LRRN4CL: variants seen among roughly 807,000 people sequenced by gnomAD.
LRRN4CL encodes the protein LRRN4 C-terminal like.
For missense variants in LRRN4CL, 348 were observed against 336.4 expected, an observed-to-expected ratio of 1.03 and a Z score of -0.27; for synonymous variants, 156 against 154.1, an observed-to-expected ratio of 1.01 and a Z score of -0.09.
In LRRN4CL at chr11:62,688,557, A is replaced by G. The variant is rs527664944; in HGVS notation, c.-5-44T>C. 2.8e-6 allele frequency: 4 copies of G among 1,437,932 alleles called. No individual in the cohort carries two copies. The East Asian group carries it at 9.3e-5, about 34-fold the overall frequency. 89.1% of individuals were successfully genotyped at this position (1,437,932 alleles called of 1,614,324 possible). On this transcript the variant is annotated intron_variant, in intron 1 of 1. Transcript: ENST00000317449. ...ATAGATAAAGCCTGTTCAGCCCAAA[A>G]GCCTGCCATGCCCTCTGCCTGGACA... is the stretch of plus-strand genomic sequence containing the variant.
rs1945212773 is a variant in LRRN4CL at position 62,687,727 on chromosome 11, T to A, written c.*65A>T. The A allele has an allele frequency of 1.5e-6, 2 of 1,298,336 alleles. No individual in the cohort carries two copies. Among genetic ancestry groups the A allele is most frequent in the Admixed American group, 7.6e-5 (2 of 26,274 alleles). 80.4% of individuals were successfully genotyped at this position (1,298,336 alleles called of 1,614,324 possible). A position where few individuals can be genotyped will look rare whatever the true frequency, so the allele number is the denominator to read the frequency against. ...CCTGGAGGCAGCGGGTTTTCCTCTTTCCCGGGGGCCAGGCTGAGCGCCCCA... is the reference window on the plus strand; with the variant it reads ...CCTGGAGGCAGCGGGTTTTCCTCTTACCCGGGGGCCAGGCTGAGCGCCCCA... On this transcript the variant is annotated 3_prime_UTR_variant, in exon 2 of 2. Coordinates refer to ENST00000317449, the MANE Select transcript of LRRN4CL (RefSeq NM_203422.4).
chr11:62,688,364 C>A lies in LRRN4CL; in HGVS notation c.145G>T (p.Asp49Tyr), dbSNP rs1565140871. 1.9e-6 allele frequency: 3 copies of A among 1,607,400 alleles called. No individual in the cohort carries two copies. Among genetic ancestry groups the A allele is most frequent in the Admixed American group, 3.3e-5 (2 of 60,000 alleles). ...TGCAGGTGTCGGCAGTGGTCGTAGT[C>A]GCAGGGGACAGCCGGCAAAGGCGGC... is the stretch of plus-strand genomic sequence containing the variant. ...AWPPLPAVPC[D>Y]YDHCRHLQVP... The change falls in exon 2 of 2, where the codon GAC (aspartate) becomes TAC (tyrosine). Residue 49 changes from aspartate (D) to tyrosine (Y), a missense_variant. Asp to Tyr is a radical substitution (Grantham distance 160). Transcript: ENST00000317449.
At position 62,687,593 on chromosome 11, in the gene LRRN4CL, G is replaced by GA. The variant is rs1342617289; in HGVS notation, c.*198dup. The GA allele has an allele frequency of 1.8e-5, 8 of 433,502 alleles. No homozygotes were observed. The highest frequency in any genetic ancestry group is 1.1e-4 in the South Asian group (1 of 9,066). 26.9% of individuals were successfully genotyped at this position (433,502 alleles called of 1,614,324 possible). A position where few individuals can be genotyped will look rare whatever the true frequency, so the allele number is the denominator to read the frequency against. ...CTATTCCTTCCCAGACCTCAGCCAG[G>GA]AAACAAAGCGCCAAGTACCGGACCT... On this transcript the variant is annotated 3_prime_UTR_variant, in exon 2 of 2. Transcript: ENST00000317449.
In LRRN4CL at chr11:62,686,534, CTT is replaced by C. The variant is rs1291626677; in HGVS notation, c.*1256_*1257del. ...TTGTTTTACCTAGCAAGAATATAAA[CTT>C]ATTCTCAAAATCCTACTGAAGCCAC... is the stretch of plus-strand genomic sequence containing the variant. On this transcript the variant is annotated 3_prime_UTR_variant, in exon 2 of 2. Transcript: ENST00000317449. 1 of 145,448 alleles carries C rather than the reference CTT, an allele frequency of 6.9e-6. No homozygotes were observed. The highest frequency in any genetic ancestry group is 6.9e-5 in the Admixed American group (1 of 14,564). The allele number at this position is 145,448 out of a possible 1,614,324, so 9.0% of individuals were successfully genotyped here. A position where few individuals can be genotyped will look rare whatever the true frequency, so the allele number is the denominator to read the frequency against.
chr11:62,687,682 C>T lies in LRRN4CL; in HGVS notation c.*110G>A. 1 of 967,102 alleles carries T rather than the reference C, an allele frequency of 1.0e-6. No homozygotes were observed. The allele number at this position is 967,102 out of a possible 1,614,324, so 59.9% of individuals were successfully genotyped here. A position where few individuals can be genotyped will look rare whatever the true frequency, so the allele number is the denominator to read the frequency against. ...GGCCCTGGAGCCTGGGGCTGGCTCC[C>T]AGCTCGCCGTCCAGCCCTCCCTGGA... On this transcript the variant is annotated 3_prime_UTR_variant, in exon 2 of 2. Transcript: ENST00000317449.
Position 62,688,251 on chromosome 11 carries a change from C to A in LRRN4CL, c.258G>T (p.Pro86=), listed in dbSNP as rs1945223909. ...CCGCAATGCGCACTTCTCCCATGCG[C>A]GGCGGGTCGGGCGGCTGGGCGGGGC... ...LSSPAQPPDP[P]RMGEVRIAAE... The change falls in exon 2 of 2, where the codon CCG becomes CCT. Residue 86 remains proline, a synonymous_variant. Coordinates refer to ENST00000317449, the MANE Select transcript of LRRN4CL (RefSeq NM_203422.4). The A allele has an allele frequency of 6.2e-7, 1 of 1,610,304 alleles. No homozygotes were observed. Among genetic ancestry groups the A allele is most frequent in the African/African-American group, 1.3e-5 (1 of 74,906 alleles).
In LRRN4CL at chr11:62,688,232, T is replaced by C; in HGVS notation, c.277A>G (p.Ile93Val). The C allele has an allele frequency of 6.2e-7, 1 of 1,611,716 alleles. No individual in the cohort carries two copies. Among genetic ancestry groups the C allele is most frequent in the Non-Finnish European group, 8.5e-7 (1 of 1,179,458 alleles). The stretch of plus-strand genomic sequence containing the variant: ...ACTGCGCGGCCCTCTTCGGCCGCAA[T>C]GCGCACTTCTCCCATGCGCGGCGGG... ...PDPPRMGEVRIAAEEGRAVVH... is the reference protein window; with the variant it reads ...PDPPRMGEVRVAAEEGRAVVH... The change falls in exon 2 of 2, where the codon ATT (isoleucine) becomes GTT (valine). Residue 93 changes from isoleucine (I) to valine (V), a missense_variant. Transcript: ENST00000317449.
Position 62,688,214 on chromosome 11 carries a change from G to A in LRRN4CL, c.295C>T (p.Arg99Cys), listed in dbSNP as rs544136182. Reference protein sequence around the residue: ...GEVRIAAEEGRAVVHWCAPFS... With the variant: ...GEVRIAAEEGCAVVHWCAPFS... ...GGGGCACACCAGTGGACCACTGCGC[G>A]GCCCTCTTCGGCCGCAATGCGCACT... The change falls in exon 2 of 2, where the codon CGC (arginine) becomes TGC (cysteine). Residue 99 changes from arginine to cysteine, a missense_variant. Arg to Cys is a radical substitution (Grantham distance 180, BLOSUM62 -3). Transcript: ENST00000317449. The A allele has an allele frequency of 3.1e-6, 5 of 1,611,804 alleles. No individual in the cohort carries two copies. The highest frequency in any genetic ancestry group is 1.7e-4 in the Middle Eastern group (1 of 6,054).
At position 62,689,488 on chromosome 11, in the gene LRRN4CL, G is replaced by C. The variant is rs1349081374; in HGVS notation, c.-67C>G. 6.6e-6 allele frequency: 1 copy of C among 152,430 alleles called. No homozygotes were observed. 9.4% of individuals were successfully genotyped at this position (152,430 alleles called of 1,614,324 possible). A position where few individuals can be genotyped will look rare whatever the true frequency, so the allele number is the denominator to read the frequency against. ...CTGACGTCTGTGGGTGTTAGGCTGA[G>C]GGATCCCCAAGATCTCAGGCTGTGC... On this transcript the variant is annotated 5_prime_UTR_variant, in exon 1 of 2. Coordinates refer to ENST00000317449, the MANE Select transcript of LRRN4CL (RefSeq NM_203422.4).
At position 62,688,272 on chromosome 11, in the gene LRRN4CL, G is replaced by A. The variant is rs755493038; in HGVS notation, c.237C>T (p.Pro79=). Residue 79 remains proline (P), a synonymous_variant, in exon 2 of 2, where the codon CCC becomes CCT. Coordinates refer to ENST00000317449, the MANE Select transcript of LRRN4CL (RefSeq NM_203422.4). ...TGCGCGGCGGGTCGGGCGGCTGGGC[G>A]GGGCTGGAGAGTCCTGGGCACAGGC... ...AACLCPGLSS[P]AQPPDPPRMG... is the part of the protein sequence containing the mutation. 55 of 1,609,094 alleles carry A rather than the reference G, an allele frequency of 3.4e-5. No homozygotes were observed. Among genetic ancestry groups the A allele is most frequent in the Non-Finnish European group, 4.4e-5 (52 of 1,178,638 alleles).
chr11:62,688,647 A>G, intron 1 of LRRN4CL, 134 bp from the exon 2 acceptor site: 2 of 709,314 alleles, frequency 2.8e-6, no homozygotes, highest in East Asian at 5.5e-5. Flanking sequence ...AATGAGGCAG[A>G]CACACTCATT....
chr11:62,687,916 G>T lies in LRRN4CL; in HGVS notation c.593C>A (p.Ala198Glu). The T allele has an allele frequency of 2.0e-6, 3 of 1,519,168 alleles. No homozygotes were observed. Among genetic ancestry groups the T allele is most frequent in the Non-Finnish European group, 2.6e-6 (3 of 1,135,788 alleles). 94.1% of individuals were successfully genotyped at this position (1,519,168 alleles called of 1,614,324 possible). Residue 198 changes from alanine (A) to glutamate (E), a missense_variant, in exon 2 of 2, where the codon GCG (alanine) becomes GAG (glutamate). By Grantham distance (107) the Ala-to-Glu change is moderately radical. Transcript: ENST00000317449. ...CAGGGCCGTGCCCACCCCGACGGCC[G>T]CGTGGACCAGAGTGCGGGGGTTGGG... ...VPPNPRTLVH[A>E]AVGVGTALAL...
chr11:62,688,558 G>T, intron 1 of LRRN4CL, 45 bp from the exon 2 acceptor site: 1 of 1,418,094 alleles, frequency 7.1e-7, no homozygotes, highest in Non-Finnish European at 9.5e-7. Flanking sequence ...CAGCCCAAAA[G>T]CCTGCCATGC....
Position 62,687,066 on chromosome 11 carries a change from G to A in LRRN4CL, c.*726C>T, listed in dbSNP as rs915233546. The A allele has an allele frequency of 7.2e-5, 11 of 152,088 alleles. No homozygotes were observed. The highest frequency in any genetic ancestry group is 2.7e-4 in the African/African-American group (11 of 41,436). 9.4% of individuals were successfully genotyped at this position (152,088 alleles called of 1,614,324 possible). On this transcript the variant is annotated 3_prime_UTR_variant, in exon 2 of 2. Coordinates refer to ENST00000317449, the MANE Select transcript of LRRN4CL (RefSeq NM_203422.4). ...AGACCAAGGCGGGTGGAGTACCTGA[G>A]GTCAGGAGTTTGAGACCAGCCTGAC...
At position 62,688,007 on chromosome 11, in the gene LRRN4CL, C is replaced by T. The variant is rs1945218116; in HGVS notation, c.502G>A (p.Gly168Arg). 1.2e-6 allele frequency: 2 copies of T among 1,612,052 alleles called. No individual in the cohort carries two copies. Among genetic ancestry groups the T allele is most frequent in the Non-Finnish European group, 1.7e-6 (2 of 1,179,648 alleles). ...EAGASRVPQA[G>R]GEGLEGADIP... ...TCGGCCCCCTCGAGGCCCTCTCCTC[C>T]AGCCTGGGGCACGCGGCTTGCCCCG... The change falls in exon 2 of 2, where the codon GGA becomes AGA. Residue 168 changes from glycine to arginine, a missense_variant. Coordinates refer to ENST00000317449, the MANE Select transcript of LRRN4CL (RefSeq NM_203422.4).
chr11:62,686,517 C>G lies in LRRN4CL; in HGVS notation c.*1275G>C, dbSNP rs1366638573. The G allele has an allele frequency of 6.9e-6, 1 of 145,600 alleles. No homozygotes were observed. Among genetic ancestry groups the G allele is most frequent in the Non-Finnish European group, 1.5e-5 (1 of 66,210 alleles). The allele number at this position is 145,600 out of a possible 1,614,324, so 9.0% of individuals were successfully genotyped here. A position where few individuals can be genotyped will look rare whatever the true frequency, so the allele number is the denominator to read the frequency against. ...TTACTGTCGTTTTTGTTTTGTTTTA[C>G]CTAGCAAGAATATAAACTTATTCTC... On this transcript the variant is annotated 3_prime_UTR_variant, in exon 2 of 2. Coordinates refer to ENST00000317449, the MANE Select transcript of LRRN4CL (RefSeq NM_203422.4).
chr11:62,688,528 G>T lies in LRRN4CL; in HGVS notation c.-5-15C>A. 1.3e-6 allele frequency: 2 copies of T among 1,573,008 alleles called. No individual in the cohort carries two copies. The highest frequency in any genetic ancestry group is 1.7e-6 in the Non-Finnish European group (2 of 1,164,942). Reference sequence around the variant, plus strand: ...CAGCATGGAGACTGGAAGGGAAGGGGTGGATAGATAAAGCCTGTTCAGCCC... The same window carrying T: ...CAGCATGGAGACTGGAAGGGAAGGGTTGGATAGATAAAGCCTGTTCAGCCC... On this transcript the variant is annotated splice_polypyrimidine_tract_variant and intron_variant, in intron 1 of 1. Transcript: ENST00000317449.
intron 1 of LRRN4CL, 41 bp from the exon 2 acceptor site, chr11:62,688,554 A>G: frequency 6.8e-7 from 1 of 1,463,676 alleles, no homozygotes; most frequent in Non-Finnish European, 9.2e-7. Flanking sequence ...TGTTCAGCCC[A>G]AAAGCCTGCC....
Position 62,687,925 on chromosome 11 carries a change from A to G in LRRN4CL, c.584T>C (p.Leu195Pro). The G allele has an allele frequency of 1.3e-6, 2 of 1,537,678 alleles. No homozygotes were observed. Among genetic ancestry groups the G allele is most frequent in the Non-Finnish European group, 1.7e-6 (2 of 1,144,126 alleles). ...GCCCACCCCGACGGCCGCGTGGACC[A>G]GAGTGCGGGGGTTGGGCGGCACCGC... ...RLAVPPNPRT[L>P]VHAAVGVGTA... The change falls in exon 2 of 2, where the codon CTG becomes CCG. Residue 195 changes from leucine (L) to proline (P), a missense_variant. Physicochemically the swap from Leu to Pro is moderately conservative, Grantham distance 98 (BLOSUM62 -3). Transcript: ENST00000317449.
Sources: gnomAD v4.1 joint callset for allele counts on GRCh38, gnomAD v4.1.1 for gene constraint, MANE v1.5 for transcripts, NCBI Gene and HGNC (gene_info 2026-07-23, HGNC 2026-07-21) for gene names.